The following KLHL23 variants were observed in gnomAD, a reference collection of about 807,000 sequenced individuals.
KLHL23 encodes kelch-like protein 23.
Under a neutral mutation model 48.9 loss-of-function variants are expected in KLHL23, and 33 were observed. That is an observed-to-expected ratio of 0.67 (90% CI 0.51 to 0.90). The LOEUF (loss-of-function observed/expected upper bound fraction) is 0.90. Among genes scored for constraint, KLHL23 ranks in the 40% least tolerant of loss-of-function variants. The probability of loss-of-function intolerance (pLI) is 0.00; values close to 1 mark genes in which losing one functional copy is unlikely to be tolerated. For synonymous variants in KLHL23, 234 were observed against 231.6 expected (o/e 1.01, Z -0.09); for missense variants, 608 against 669.6 (o/e 0.91, Z 1.02).
In KLHL23 at chr2:169,749,886, C is replaced by T. The variant is rs1435873942; in HGVS notation, c.*154C>T. Reference sequence around the variant, plus strand: ...TTCCTAACCCTACTGTACTCCCAAACATGGTGATTCATGGTCAAGAAAAAT... The same window carrying T: ...TTCCTAACCCTACTGTACTCCCAAATATGGTGATTCATGGTCAAGAAAAAT... On this transcript the variant is annotated 3_prime_UTR_variant, in exon 4 of 4. Transcript: ENST00000392647. The T allele has an allele frequency of 4.9e-6, 3 of 617,602 alleles. 1 individual carries two copies. In the African/African-American group the frequency reaches 6.2e-5, roughly 13 times the overall value. 38.3% of individuals were successfully genotyped at this position (617,602 alleles called of 1,614,324 possible). A position where few individuals can be genotyped will look rare whatever the true frequency, so the allele number is the denominator to read the frequency against.
At position 169,735,677 on chromosome 2, in the gene KLHL23, T is replaced by C; in HGVS notation, c.663T>C (p.Asn221=). 1 of 1,613,988 alleles carries C rather than the reference T, an allele frequency of 6.2e-7. No individual in the cohort carries two copies. The highest frequency in any genetic ancestry group is 8.5e-7 in the Non-Finnish European group (1 of 1,180,028). The part of the protein sequence containing the change: ...DVENRIECLY[N]LLSYINIDID... The stretch of plus-strand genomic sequence containing the variant: ...AAAATCGAATTGAATGCCTCTATAA[T>C]CTACTGAGCTATATCAACATTGATA... Residue 221 remains asparagine, a synonymous_variant, in exon 2 of 4, where the codon AAT becomes AAC. Coordinates refer to ENST00000392647, the MANE Select transcript of KLHL23 (RefSeq NM_144711.6). The surrounding 1 kb of genome is among the most constrained non-coding windows in gnomAD (Gnocchi z 4.5).
intron 3 of KLHL23, among the ~76,000 whole-genome samples, chr2:169,748,944 A>G (rs1688874514): frequency 6.6e-6 from 1 of 152,144 alleles, no homozygotes; most frequent in Admixed American, 6.5e-5. Context: ...GCAGTGTGAG[A>G]AGCACACAAG....
At position 169,750,639 on chromosome 2, in the gene KLHL23, ACT is replaced by A. The variant is rs1236452023; in HGVS notation, c.*912_*913del. ...TTCCTTTATAGTGTAATTTATTGTT[ACT>A]CTCTATTTACTGACTACCAGAGATA... On this transcript the variant is annotated 3_prime_UTR_variant, in exon 4 of 4. Transcript: ENST00000392647. 2 of 152,126 alleles carry A rather than the reference ACT, an allele frequency of 1.3e-5. No homozygotes were observed. Among genetic ancestry groups the A allele is most frequent in the African/African-American group, 2.4e-5 (1 of 41,422 alleles). 9.4% of individuals were successfully genotyped at this position (152,126 alleles called of 1,614,324 possible).
At chr2:169,741,307 A>G in intron 2 of KLHL23, 78 bp from the exon 3 acceptor site, 1 of 1,521,176 alleles carries the variant, frequency 6.6e-7, no homozygotes, top group East Asian at 2.3e-5. Context: ...AACAAAAACA[A>G]CAATAAATTT....
rs1185698581 is a variant in KLHL23 at position 169,735,751 on chromosome 2, T to A, written c.737T>A (p.Leu246Gln). The A allele has an allele frequency of 4.3e-6, 7 of 1,614,070 alleles. No individual in the cohort carries two copies. Among genetic ancestry groups the A allele is most frequent in the Non-Finnish European group, 5.9e-6 (7 of 1,180,034 alleles). The change falls in exon 2 of 4, where the codon CTG (leucine) becomes CAG (glutamine). Residue 246 changes from leucine to glutamine, a missense_variant. Transcript: ENST00000392647. The surrounding 1 kb of genome is among the most constrained non-coding windows in gnomAD (Gnocchi z 4.5). The part of the protein sequence containing the change: ...KTALGLQRSC[L>Q]LTENKIRSLI... The stretch of plus-strand genomic sequence containing the variant: ...GCCTTAGGCCTTCAAAGAAGCTGCC[T>A]GCTCACCGAAAATAAGATCCGCTCC...
At chr2:169,741,649 A>G in intron 3 of KLHL23, 112 bp downstream of exon 3, 3 of 1,291,638 alleles carry the variant, frequency 2.3e-6, no homozygotes, top group South Asian at 1.8e-5. Context: ...TAGACTACAC[A>G]TGGGTAGAAT....
At position 169,736,082 on chromosome 2, in the gene KLHL23, C is replaced by T. The variant is rs750896451; in HGVS notation, c.1068C>T (p.Leu356=). 6.2e-7 allele frequency: 1 copy of T among 1,614,160 alleles called. No individual in the cohort carries two copies. The highest frequency in any genetic ancestry group is 1.1e-5 in the South Asian group (1 of 91,078). Residue 356 remains leucine (L), a synonymous_variant, in exon 2 of 4, where the codon CTC becomes CTT. Transcript: ENST00000392647. The part of the protein sequence containing the change: ...SDEWTEGLPM[L]NARYYHCAVT... ...AATGGACAGAAGGTTTGCCAATGCT[C>T]AATGCCAGGTATTACCACTGTGCAG... is the stretch of plus-strand genomic sequence containing the variant.
At position 169,750,699 on chromosome 2, in the gene KLHL23, C is replaced by G. The variant is rs1008834729; in HGVS notation, c.*967C>G. 2 of 152,082 alleles carry G rather than the reference C, an allele frequency of 1.3e-5. No homozygotes were observed. Among genetic ancestry groups the G allele is most frequent in the Non-Finnish European group, 1.5e-5 (1 of 68,010 alleles). 9.4% of individuals were successfully genotyped at this position (152,082 alleles called of 1,614,324 possible). On this transcript the variant is annotated 3_prime_UTR_variant, in exon 4 of 4. Transcript: ENST00000392647. ...TACTGTGCAAAAGATTGTTACTGTT[C>G]AAAGAGCTTACAAACTAAATTTAAA...
rs1435263392 is a variant in KLHL23, at chr2:169,735,645, G to C, written c.631G>C (p.Asp211His). Reference sequence around the variant, plus strand: ...GCCAGTTATTAAGTGGACTGCTCATGATGTAGAAAATCGAATTGAATGCCT... The same window carrying C: ...GCCAGTTATTAAGTGGACTGCTCATCATGTAGAAAATCGAATTGAATGCCT... Reference protein sequence around the residue: ...IEPVIKWTAHDVENRIECLYN... With the variant: ...IEPVIKWTAHHVENRIECLYN... Residue 211 changes from aspartate to histidine, a missense_variant, in exon 2 of 4, where the codon GAT (aspartate) becomes CAT (histidine). Coordinates refer to ENST00000392647, the MANE Select transcript of KLHL23 (RefSeq NM_144711.6). The surrounding 1 kb of genome is among the most constrained non-coding windows in gnomAD (Gnocchi z 4.5). The C allele has an allele frequency of 6.2e-6, 10 of 1,613,952 alleles. No individual in the cohort carries two copies. Among genetic ancestry groups the C allele is most frequent in the Non-Finnish European group, 8.5e-6 (10 of 1,180,044 alleles).
intron 3 of KLHL23, among the ~76,000 whole-genome samples, chr2:169,746,488 T>C (rs1688795818): frequency 6.6e-6 from 1 of 152,238 alleles, no homozygotes; most frequent in Admixed American, 6.5e-5. Context: ...ATTTGTTCAC[T>C]CATTCATGTC....
rs1688904296 is a variant in KLHL23, at chr2:169,749,935, A to C, written c.*203A>C. The C allele has an allele frequency of 3.7e-6, 1 of 267,858 alleles. No individual in the cohort carries two copies. The highest frequency in any genetic ancestry group is 5.0e-5 in the Admixed American group (1 of 20,068). 16.6% of individuals were successfully genotyped at this position (267,858 alleles called of 1,614,324 possible). On this transcript the variant is annotated 3_prime_UTR_variant, in exon 4 of 4. Transcript: ENST00000392647. ...ATCTTATATATATATATATATACAC[A>C]CACACATATATGTGTTCATATATAT...
At chr2:169,741,968 C>G (rs1175864778) in intron 3 of KLHL23, among the ~76,000 whole-genome samples, 1 of 152,162 alleles carries the variant, frequency 6.6e-6, no homozygotes, top group Non-Finnish European at 1.5e-5. Context: ...CATGTTCTTT[C>G]TAGGTTTCAC....
rs1335666600 is a variant in KLHL23 at position 169,750,266 on chromosome 2, C to T, written c.*534C>T. 1.3e-5 allele frequency: 2 copies of T among 152,902 alleles called. No homozygotes were observed. The highest frequency in any genetic ancestry group is 2.9e-5 in the Non-Finnish European group (2 of 68,092). 9.5% of individuals were successfully genotyped at this position (152,902 alleles called of 1,614,324 possible). On this transcript the variant is annotated 3_prime_UTR_variant, in exon 4 of 4. Transcript: ENST00000392647. ...AACTACCTTTGTAGTGAATCTTTTC[C>T]TCTTGGTAGCATCAACACTGGGGAT...
At position 169,736,101 on chromosome 2, in the gene KLHL23, T is replaced by A; in HGVS notation, c.1087T>A (p.Cys363Ser). The A allele has an allele frequency of 6.2e-7, 1 of 1,614,080 alleles. No individual in the cohort carries two copies. The highest frequency in any genetic ancestry group is 2.2e-5 in the East Asian group (1 of 44,894). Residue 363 changes from cysteine to serine, a missense_variant, in exon 2 of 4, where the codon TGT (cysteine) becomes AGT (serine). Cys to Ser is a moderately radical substitution (Grantham distance 112). Around this residue, in one of 3 missense-constraint regions of KLHL23, gnomAD observed 419 missense variants for 473.1 expected, o/e 0.89. Transcript: ENST00000392647. Reference sequence around the variant, plus strand: ...AATGCTCAATGCCAGGTATTACCACTGTGCAGTCACCTTGGGTGGCTGTGT... The same window carrying A: ...AATGCTCAATGCCAGGTATTACCACAGTGCAGTCACCTTGGGTGGCTGTGT... ...LPMLNARYYH[C>S]AVTLGGCVYA...
chr2:169,737,308 A>C (rs1033654903), intron 2 of KLHL23, among the ~76,000 whole-genome samples: 12 of 152,222 alleles, frequency 7.9e-5, no homozygotes, highest in African/African-American at 2.7e-4. Flanking sequence ...ATTGAAGGAC[A>C]TGTCAGCTCT....
chr2:169,747,059 T>G (rs917298038), intron 3 of KLHL23, among the ~76,000 whole-genome samples: 9 of 152,078 alleles, frequency 5.9e-5, no homozygotes, highest in African/African-American at 1.9e-4. Flanking sequence ...GAAGCAAAAA[T>G]GCAATCTTCT....
At chr2:169,740,684 G>T (rs560597352) in intron 2 of KLHL23, among the ~76,000 whole-genome samples, 1 of 149,616 alleles carries the variant, frequency 6.7e-6, no homozygotes, top group Non-Finnish European at 1.5e-5. Flanking sequence ...TCCTGACCTC[G>T]TGATCCACCC....
Position 169,735,768 on chromosome 2 carries a change from A to G in KLHL23, c.754A>G (p.Ile252Val). Residue 252 changes from isoleucine (I) to valine (V), a missense_variant, in exon 2 of 4, where the codon ATC becomes GTC. Physicochemically the swap from Ile to Val is conservative, Grantham distance 29. Transcript: ENST00000392647. This position sits in a 1 kb window ranked among gnomAD's most constrained non-coding sequence, Gnocchi z 4.5. ...QRSCLLTENK[I>V]RSLIYNALNP... ...AAGCTGCCTGCTCACCGAAAATAAG[A>G]TCCGCTCCCTAATATACAATGCCTT... 1 of 1,614,084 alleles carries G rather than the reference A, an allele frequency of 6.2e-7. No homozygotes were observed. Among genetic ancestry groups the G allele is most frequent in the Non-Finnish European group, 8.5e-7 (1 of 1,180,038 alleles).
intron 3 of KLHL23, among the ~76,000 whole-genome samples, chr2:169,748,836 G>T (rs914874579): frequency 7.3e-6 from 1 of 137,580 alleles, no homozygotes; most frequent in Non-Finnish European, 1.6e-5. Flanking sequence ...GCAGCCCTCC[G>T]CCTGGGGGCA....
Sources: gnomAD v4.1 joint callset for allele counts (sites outside exome capture counted in the v4.1 genomes callset) on GRCh38, gnomAD v4.1.1 for gene constraint, gnomAD v4.1.1 regional missense constraint, Gnocchi (gnomAD v3.1) non-coding constraint, MANE v1.5 for transcripts, NCBI Gene and HGNC (gene_info 2026-07-23, HGNC 2026-07-21) for gene names.